Variants in KNTC1 observed in about 807,000 individuals in gnomAD.
The protein encoded by KNTC1 is kinetochore associated 1.
A neutral mutation model predicts 314.4 loss-of-function variants in KNTC1; 253 were observed. That is an observed-to-expected ratio of 0.80 (90% CI 0.73 to 0.89). The LOEUF (loss-of-function observed/expected upper bound fraction) is 0.89, where lower values mean the gene tolerates loss of function less well. KNTC1 is among the 40% of genes least tolerant of loss of function. The pLI, the probability that KNTC1 is intolerant of heterozygous loss-of-function variation, is 0.00. For missense variants in KNTC1, 2,475 were observed against 2,572.9 expected (o/e 0.96, Z 0.82); for synonymous variants, 901 against 901.4 (o/e 1.00, Z 0.01).
At chr12:122,588,994 T>G (rs1286369029) in intron 40 of KNTC1, among the ~76,000 whole-genome samples, 178 bp downstream of exon 40, 2 of 152,140 alleles carry the variant, frequency 1.3e-5, no homozygotes, top group African/African-American at 4.8e-5. Context: ...TGACATGCTA[T>G]AGAGCTTTTA....
chr12:122,576,734 C>G (rs763585931), intron 29 of KNTC1, among the ~76,000 whole-genome samples, 161 bp from the exon 30 acceptor site: 1 of 152,104 alleles, frequency 6.6e-6, no homozygotes, highest in African/African-American at 2.4e-5. Context: ...GAAGACAGGA[C>G]TGTGGAATGA....
At chr12:122,561,899 A>T (rs1964000213) in intron 18 of KNTC1, 22 bp from the exon 19 acceptor site, 1 of 1,537,700 alleles carries the variant, frequency 6.5e-7, no homozygotes, top group Non-Finnish European at 8.9e-7. Context: ...TTCTAACTGT[A>T]TTTCTTATTA....
At chr12:122,615,392 C>G in intron 56 of KNTC1, 78 bp from the exon 57 acceptor site, 1 of 1,222,488 alleles carries the variant, frequency 8.2e-7, no homozygotes, top group Non-Finnish European at 1.1e-6. Flanking sequence ...TCTTCTGGAA[C>G]TTTAACATCT....
chr12:122,580,810 C>T, intron 33 of KNTC1, 140 bp downstream of exon 33: 1 of 509,264 alleles, frequency 2.0e-6, no homozygotes, highest in Non-Finnish European at 3.5e-6. Context: ...GAGTGGATCA[C>T]AAGGTCAGGA....
intron 7 of KNTC1, 86 bp downstream of exon 7, chr12:122,543,720 C>T: frequency 1.3e-6 from 1 of 750,494 alleles, no homozygotes; most frequent in Non-Finnish European, 2.1e-6. Context: ...AATTGGTCTA[C>T]TTCTTGATAT....
Position 122,569,881 on chromosome 12 carries a change from A to C in KNTC1, c.1860+57A>C, listed in dbSNP as rs1964578018. The C allele has an allele frequency of 2.5e-5, 38 of 1,503,326 alleles. 1 individual carries two copies. In the South Asian group the frequency reaches 3.8e-4, roughly 15 times the overall value. 93.1% of individuals were successfully genotyped at this position (1,503,326 alleles called of 1,614,324 possible). On this transcript the variant is annotated intron_variant, in intron 22 of 63. Coordinates refer to ENST00000333479, the MANE Select transcript of KNTC1 (RefSeq NM_014708.6). Reference sequence around the variant, plus strand: ...GACTTTATTTCATTTTTTACATTAGATCATTGAGAATTAAGTCACGTTAAC... The same window carrying C: ...GACTTTATTTCATTTTTTACATTAGCTCATTGAGAATTAAGTCACGTTAAC...
At chr12:122,615,949 A>G (rs1445833286) in intron 57 of KNTC1, among the ~76,000 whole-genome samples, 1 of 152,050 alleles carries the variant, frequency 6.6e-6, no homozygotes, top group Non-Finnish European at 1.5e-5. Flanking sequence ...CTCTCAAGAC[A>G]TTTTGGCTCC....
intron 29 of KNTC1, 89 bp from the exon 30 acceptor site, chr12:122,576,805 AT>A (rs145299175): frequency 5.1e-6 from 5 of 980,818 alleles, no homozygotes; most frequent in South Asian, 2.4e-5. Context: ...CATTATTTAA[AT>A]TTTTTTGCCA....
chr12:122,591,609 TA>T (rs1870219234), intron 42 of KNTC1, among the ~76,000 whole-genome samples, 156 bp downstream of exon 42: 1 of 152,194 alleles, frequency 6.6e-6, no homozygotes, highest in South Asian at 2.1e-4. Flanking sequence ...TTCAAAGAAA[TA>T]AGGAACTTTT....
rs566798399 is a variant in KNTC1, at chr12:122,576,951, A to G, written c.2643A>G (p.Leu881=). The part of the protein sequence containing the change: ...QDVPSSLEDA[L]KVAQAFMLSD... ...TCCCATCTTCTTTAGAAGATGCTTTAAAGGTAGCCCAAGCGTTTATGTTAT... is the reference window on the plus strand; with the variant it reads ...TCCCATCTTCTTTAGAAGATGCTTTGAAGGTAGCCCAAGCGTTTATGTTAT... The change falls in exon 30 of 64, where the codon TTA becomes TTG. Residue 881 remains leucine, a synonymous_variant. Coordinates refer to ENST00000333479, the MANE Select transcript of KNTC1 (RefSeq NM_014708.6). 318 of 1,602,150 alleles carry G rather than the reference A, an allele frequency of 2.0e-4. 3 individuals are homozygous for G. In the South Asian group the frequency reaches 3.3e-3, roughly 17 times the overall value.
intron 5 of KNTC1, 50 bp from the exon 6 acceptor site, chr12:122,542,000 T>C: frequency 6.8e-7 from 1 of 1,469,342 alleles, no homozygotes; most frequent in Non-Finnish European, 9.1e-7. Context: ...AGCGACAGAA[T>C]GAGACTCCAT....
chr12:122,624,817 T>A, intron 63 of KNTC1, 129 bp downstream of exon 63: 1 of 737,868 alleles, frequency 1.4e-6, no homozygotes. Flanking sequence ...AATTTTTATA[T>A]TTTACTTTTT....
intron 57 of KNTC1, chr12:122,617,394 T>C (rs1407745907): frequency 2.2e-6 from 1 of 451,502 alleles, no homozygotes; most frequent in South Asian, 1.6e-5. Flanking sequence ...CTTTTTTTTC[T>C]TTAAATGTAT....
intron 42 of KNTC1, among the ~76,000 whole-genome samples, chr12:122,592,053 G>T (rs780861661): frequency 5.3e-5 from 8 of 152,218 alleles, no homozygotes; most frequent in Non-Finnish European, 1.2e-4. Flanking sequence ...CCCGGGCTGC[G>T]CATGGCGCTT....
chr12:122,598,008 G>C (rs1024600135), intron 44 of KNTC1, 70 bp downstream of exon 44: 3 of 1,119,824 alleles, frequency 2.7e-6, no homozygotes, highest in Non-Finnish European at 4.1e-6. Context: ...AGATACATTA[G>C]TAACAAATTG....
chr12:122,601,611 A>G lies in KNTC1; in HGVS notation c.4639A>G (p.Ile1547Val), dbSNP rs1444121348. The G allele has an allele frequency of 3.9e-6, 6 of 1,523,326 alleles. No individual in the cohort carries two copies. In the Admixed American group the frequency reaches 6.5e-5, roughly 17 times the overall value. 94.4% of individuals were successfully genotyped at this position (1,523,326 alleles called of 1,614,324 possible). Residue 1547 changes from isoleucine to valine, a missense_variant, in exon 45 of 64, where the codon ATT becomes GTT. Transcript: ENST00000333479. ...IERADEKITNININQALSILK... is the reference protein window; with the variant it reads ...IERADEKITNVNINQALSILK... ...ACGAGCTGATGAAAAGATAACCAAT[A>G]TTAATATTAATCAGGTATAACAAAT...
intron 16 of KNTC1, among the ~76,000 whole-genome samples, chr12:122,555,572 G>A (rs879928345): frequency 4.0e-5 from 6 of 150,244 alleles, no homozygotes; most frequent in East Asian, 2.0e-4. Flanking sequence ...AAGAAGGGCC[G>A]GGCGCGGTGG....
chr12:122,529,443 G>T (rs1370563971), intron 1 of KNTC1, among the ~76,000 whole-genome samples: 2 of 151,780 alleles, frequency 1.3e-5, no homozygotes, highest in African/African-American at 2.4e-5. Flanking sequence ...TTTTGAGATG[G>T]GTAAACCTCA....
rs1593659559 is a variant in KNTC1 at position 122,601,742 on chromosome 12, G to T, written c.4653+117G>T. 6.8e-6 allele frequency: 7 copies of T among 1,026,178 alleles called. No homozygotes were observed. In the Admixed American group the frequency reaches 2.6e-4, roughly 39 times the overall value. 63.6% of individuals were successfully genotyped at this position (1,026,178 alleles called of 1,614,324 possible). On this transcript the variant is annotated intron_variant, in intron 45 of 63. Coordinates refer to ENST00000333479, the MANE Select transcript of KNTC1 (RefSeq NM_014708.6). ...CCATTGAATTCCCTTTAAACTCTGT[G>T]GTTTATTTTAGGTTTTTAAAAATCT... is the stretch of plus-strand genomic sequence containing the variant.
Sources: allele counts gnomAD v4.1 joint callset (sites outside exome capture counted in the v4.1 genomes callset), GRCh38; gene constraint gnomAD v4.1.1; transcripts MANE v1.5; gene names NCBI Gene and HGNC (gene_info 2026-07-23, HGNC 2026-07-21).